Variants in NAV3 observed in about 807,000 individuals in gnomAD.
NAV3 encodes the protein pore membrane and/or filament interacting like protein 1.
In NAV3, 87 loss-of-function variants were observed where a neutral mutation model predicts 244.7. The observed-to-expected ratio is 0.36, with a 90% confidence interval of 0.30 to 0.42. NAV3 has a LOEUF of 0.42. Among genes scored for constraint, NAV3 ranks in the 20% least tolerant of loss-of-function variants. The probability of loss-of-function intolerance (pLI) is 1.00; values close to 1 mark genes in which losing one functional copy is unlikely to be tolerated. For synonymous variants in NAV3, 1,126 were observed against 1,042.2 expected (o/e 1.08, Z -1.55); for missense variants, 2,663 against 2,893.3 (o/e 0.92, Z 1.83).
chr12:78,134,254 G>A (rs747617741), intron 18 of NAV3, among the ~76,000 whole-genome samples: 11 of 151,942 alleles, frequency 7.2e-5, no homozygotes, highest in African/African-American at 1.5e-4. Context: ...CTATTCTTTC[G>A]GAAGCATAGA....
chr12:77,745,863 G>A (rs1868511750), intron 2 of NAV3, among the ~76,000 whole-genome samples: 1 of 151,688 alleles, frequency 6.6e-6, no homozygotes, highest in African/African-American at 2.4e-5. Context: ...GAATAACAGT[G>A]AACTCTCAAG....
intron 1 of NAV3, among the ~76,000 whole-genome samples, chr12:77,865,923 A>G (rs1056488044): frequency 6.6e-6 from 1 of 152,018 alleles, no homozygotes; most frequent in African/African-American, 2.4e-5. Context: ...CATACTTTTA[A>G]AAAAATGCAT....
At chr12:78,041,523 G>A (rs1880856714) in intron 9 of NAV3, among the ~76,000 whole-genome samples, 1 of 152,208 alleles carries the variant, frequency 6.6e-6, no homozygotes, top group African/African-American at 2.4e-5. Context: ...TGGAACCACA[G>A]GGTGAAAGTT....
intron 2 of NAV3, among the ~76,000 whole-genome samples, chr12:77,648,132 A>G (rs528924672): frequency 2.0e-5 from 3 of 152,226 alleles, no homozygotes; most frequent in South Asian, 2.1e-4. Flanking sequence ...AAAATTGAAT[A>G]TTTCAACTTT....
At chr12:78,038,514 G>A (rs1489093563) in intron 9 of NAV3, among the ~76,000 whole-genome samples, 1 of 152,196 alleles carries the variant, frequency 6.6e-6, no homozygotes, top group Non-Finnish European at 1.5e-5. Context: ...AGCTTATAGA[G>A]ATAGCAGAGG....
At chr12:77,944,556 A>G (rs760988109) in intron 3 of NAV3, among the ~76,000 whole-genome samples, 9 of 152,122 alleles carry the variant, frequency 5.9e-5, no homozygotes, top group Non-Finnish European at 1.0e-4. Flanking sequence ...TAAAACATCA[A>G]TTTGGAGGAA....
intron 2 of NAV3, among the ~76,000 whole-genome samples, chr12:77,614,639 G>T (rs572105635): frequency 6.6e-6 from 1 of 152,262 alleles, no homozygotes; most frequent in African/African-American, 2.4e-5. Context: ...TGTAGAGTCA[G>T]ACTGCCTGAG....
chr12:78,126,001 A>G (rs571128826), intron 16 of NAV3, among the ~76,000 whole-genome samples: 2 of 152,316 alleles, frequency 1.3e-5, no homozygotes, highest in African/African-American at 4.8e-5. Context: ...CATGTGGTTC[A>G]TATTTGGAGA....
At chr12:77,974,448 TTTA>T (rs1240433629) in intron 5 of NAV3, among the ~76,000 whole-genome samples, 1 of 149,050 alleles carries the variant, frequency 6.7e-6, no homozygotes, top group African/African-American at 2.5e-5. Flanking sequence ...CGGCCAGCTG[TTTA>T]TTATTATTTT....
chr12:77,693,860 T>C (rs765935745), intron 2 of NAV3, among the ~76,000 whole-genome samples: 1 of 152,166 alleles, frequency 6.6e-6, no homozygotes, highest in African/African-American at 2.4e-5. Context: ...GTGCCATTTT[T>C]AATGTTCTTC....
chr12:77,628,455 T>C (rs1477522242), intron 2 of NAV3, among the ~76,000 whole-genome samples: 1 of 152,240 alleles, frequency 6.6e-6, no homozygotes, highest in African/African-American at 2.4e-5. Flanking sequence ...CTTAACAACA[T>C]GATTTAGATT....
chr12:78,118,246 G>T lies in NAV3; in HGVS notation c.2989G>T (p.Gly997Ter), dbSNP rs1955510221. The T allele has an allele frequency of 6.2e-7, 1 of 1,613,094 alleles. No homozygotes were observed. The highest frequency in any genetic ancestry group is 8.5e-7 in the Non-Finnish European group (1 of 1,179,340). Residue 997 changes from glycine (G) to a stop codon, truncating the protein, a stop_gained, in exon 14 of 40, where the codon GGA (glycine) becomes TGA (stop). Transcript: ENST00000397909. LOFTEE classifies it high-confidence loss of function. The stretch of plus-strand genomic sequence containing the variant: ...CTGGAGAAGAGGCATGTCTGCCCAA[G>T]GAGGGGCGCCATCTAGGCAGAAAGC... ...GSWRRGMSAQ[G>*]GAPSRQKAGT...
intron 1 of NAV3, among the ~76,000 whole-genome samples, chr12:77,915,893 G>A (rs531722400): frequency 6.6e-6 from 1 of 152,134 alleles, no homozygotes; most frequent in South Asian, 2.1e-4. Flanking sequence ...GCAAGACAGA[G>A]TGCTGAATGA....
intron 3 of NAV3, among the ~76,000 whole-genome samples, chr12:77,946,294 T>C (rs917754541): frequency 1.3e-5 from 2 of 151,460 alleles, no homozygotes; most frequent in African/African-American, 4.8e-5. Context: ...TAACTCTCTA[T>C]ATAATATGTG....
At chr12:77,605,063 C>G (rs1870610026) in intron 2 of NAV3, among the ~76,000 whole-genome samples, 1 of 152,058 alleles carries the variant, frequency 6.6e-6, no homozygotes, top group African/African-American at 2.4e-5. Flanking sequence ...AGAAAAGGGG[C>G]TATATCTTGA....
At chr12:77,644,168 T>C (rs2136962590) in intron 2 of NAV3, among the ~76,000 whole-genome samples, 1 of 152,124 alleles carries the variant, frequency 6.6e-6, no homozygotes. Flanking sequence ...CACCCACAAT[T>C]CTTGGGGCTC....
At chr12:78,187,141 G>A (rs1302858280) in intron 31 of NAV3, among the ~76,000 whole-genome samples, 1 of 151,786 alleles carries the variant, frequency 6.6e-6, no homozygotes, top group African/African-American at 2.4e-5. Flanking sequence ...GTCAGCTGTG[G>A]ATTTCTCAAC....
At chr12:78,118,950 G>A (rs1033900479) in intron 14 of NAV3, among the ~76,000 whole-genome samples, 1 of 152,120 alleles carries the variant, frequency 6.6e-6, no homozygotes, top group Admixed American at 6.5e-5. Flanking sequence ...GCTTGATAGG[G>A]TTAAGTGTTA....
At chr12:77,929,020 C>T (rs1295413267) in intron 1 of NAV3, among the ~76,000 whole-genome samples, 1 of 152,084 alleles carries the variant, frequency 6.6e-6, no homozygotes, top group Non-Finnish European at 1.5e-5. Context: ...AGTACAGTAG[C>T]CTGCTGTGGT....
Sources: gnomAD v4.1 joint callset for allele counts (sites outside exome capture counted in the v4.1 genomes callset) on GRCh38, gnomAD v4.1.1 for gene constraint, MANE v1.5 for transcripts, NCBI Gene and HGNC (gene_info 2026-07-23, HGNC 2026-07-21) for gene names.